TGM6: variants seen among roughly 807,000 people sequenced by gnomAD.
The protein encoded by TGM6 is transglutaminase 6.
A neutral mutation model predicts 77.5 loss-of-function variants in TGM6; 74 were observed. That is an observed-to-expected ratio of 0.96 (90% CI 0.79 to 1.16). The LOEUF is 1.16. Among genes scored for constraint, TGM6 ranks in the 50% most tolerant of loss-of-function variants. The pLI, the probability that TGM6 is intolerant of heterozygous loss-of-function variation, is 0.00. For missense variants in TGM6, 968 were observed against 940.2 expected (o/e 1.03, Z -0.39); for synonymous variants, 383 against 378.9 (o/e 1.01, Z -0.12).
At chr20:2,400,563 T>C in intron 7 of TGM6, 119 bp downstream of exon 7, 1 of 1,468,632 alleles carries the variant, frequency 6.8e-7, no homozygotes, top group African/African-American at 1.4e-5. Flanking sequence ...CTCCTGAATC[T>C]GAGCCGGCTC....
intron 3 of TGM6, among the ~76,000 whole-genome samples, chr20:2,395,870 C>CAGT (rs2084661961): frequency 6.6e-6 from 1 of 152,162 alleles, no homozygotes; most frequent in Non-Finnish European, 1.5e-5. Flanking sequence ...TGGCCAGGAT[C>CAGT]AGTATTATTA....
At chr20:2,421,935 C>T (rs2084858876) in intron 10 of TGM6, among the ~76,000 whole-genome samples, 1 of 152,056 alleles carries the variant, frequency 6.6e-6, no homozygotes, top group Non-Finnish European at 1.5e-5. Context: ...AGTTTGAGAC[C>T]AGCCTGGTCA....
At chr20:2,398,589 A>T (rs1194644304) in intron 5 of TGM6, among the ~76,000 whole-genome samples, 1 of 151,930 alleles carries the variant, frequency 6.6e-6, no homozygotes, top group Non-Finnish European at 1.5e-5. Context: ...GCCCCAAGCA[A>T]TTCTTCCAAG....
At chr20:2,428,505 G>A (rs1004086721) in intron 10 of TGM6, among the ~76,000 whole-genome samples, 5 of 152,112 alleles carry the variant, frequency 3.3e-5, no homozygotes, top group African/African-American at 7.2e-5. Context: ...CCCAGGTGAC[G>A]CTGATGCTGC....
chr20:2,422,876 G>A (rs1314739742), intron 10 of TGM6, among the ~76,000 whole-genome samples: 2 of 151,586 alleles, frequency 1.3e-5, no homozygotes, highest in Admixed American at 6.6e-5. Context: ...CTTGAGCCCG[G>A]GAGTTCAAGG....
At chr20:2,399,871 C>A in intron 6 of TGM6, 133 bp downstream of exon 6, 2 of 839,500 alleles carry the variant, frequency 2.4e-6, no homozygotes, top group Non-Finnish European at 3.8e-6. Context: ...CGAAGTCTGG[C>A]TGATGAAGAG....
intron 10 of TGM6, among the ~76,000 whole-genome samples, chr20:2,420,504 T>A (rs1186472984): frequency 6.6e-5 from 10 of 152,358 alleles, no homozygotes; most frequent in Admixed American, 6.5e-4. Flanking sequence ...TCATAGTTAA[T>A]ATTAGGGTTC....
intron 1 of TGM6, among the ~76,000 whole-genome samples, chr20:2,384,942 A>G (rs1333850556): frequency 6.7e-6 from 1 of 148,530 alleles, no homozygotes; most frequent in East Asian, 2.0e-4. Flanking sequence ...GAAGGCCCCC[A>G]GAGCTGAAAA....
At chr20:2,389,370 C>T (rs1021969693) in intron 1 of TGM6, among the ~76,000 whole-genome samples, 1 of 152,152 alleles carries the variant, frequency 6.6e-6, no homozygotes, top group African/African-American at 2.4e-5. Context: ...TGATTGCAAC[C>T]CCATAAGAAA....
At chr20:2,407,603 G>C (rs2122386678) in intron 9 of TGM6, among the ~76,000 whole-genome samples, 2 of 152,318 alleles carry the variant, frequency 1.3e-5, no homozygotes. Flanking sequence ...TACAGAGCGA[G>C]ACTCTGTCTC....
At chr20:2,422,301 A>G (rs192326524) in intron 10 of TGM6, among the ~76,000 whole-genome samples, 10 of 152,320 alleles carry the variant, frequency 6.6e-5, no homozygotes, top group Non-Finnish European at 1.5e-5. Context: ...GTGGATATCC[A>G]GTTGCTTCAG....
chr20:2,430,594 C>A lies in TGM6; in HGVS notation c.1827C>A (p.Thr609=). The A allele has an allele frequency of 6.2e-7, 1 of 1,614,098 alleles. No individual in the cohort carries two copies. Among genetic ancestry groups the A allele is most frequent in the Non-Finnish European group, 8.5e-7 (1 of 1,180,040 alleles). ...EKDITLEDFI[T]IKVLGPAMVG... ...ACATTACTCTAGAGGACTTCATCAC[C>A]ATCAAGGTGACCTCAGCCTGCATCT... Residue 609 remains threonine (T), a synonymous_variant, in exon 11 of 13, where the codon ACC becomes ACA. Coordinates refer to ENST00000202625, the MANE Select transcript of TGM6 (RefSeq NM_198994.3).
In TGM6 at chr20:2,394,494, G is replaced by A. The variant is rs182746582; in HGVS notation, c.50G>A (p.Gly17Asp). The A allele has an allele frequency of 6.2e-7, 1 of 1,611,532 alleles. No homozygotes were observed. The highest frequency in any genetic ancestry group is 1.3e-5 in the African/African-American group (1 of 74,854). The change falls in exon 2 of 13, where the codon GGC (glycine) becomes GAC (aspartate). Residue 17 changes from glycine (G) to aspartate (D), a missense_variant. Gly to Asp is a moderately conservative substitution (Grantham distance 94). Coordinates refer to ENST00000202625, the MANE Select transcript of TGM6 (RefSeq NM_198994.3). ...GTGGACTGGCAGCGGTCGAGGAATG[G>A]CGCTGCCCACCACACCCAGGAGTAC... ...TKVDWQRSRN[G>D]AAHHTQEYPC...
In TGM6 at chr20:2,397,930, A is replaced by T. The variant is rs1199332894; in HGVS notation, c.556A>T (p.Ile186Phe). 1 of 1,614,130 alleles carries T rather than the reference A, an allele frequency of 6.2e-7. No homozygotes were observed. Among genetic ancestry groups the T allele is most frequent in the South Asian group, 1.1e-5 (1 of 91,082 alleles). Reference sequence around the variant, plus strand: ...CTCTGGGGAGCAGTTTGAGGAGGACATCCTGAACATCTGCCTCTCCATCCT... The same window carrying T: ...CTCTGGGGAGCAGTTTGAGGAGGACTTCCTGAACATCTGCCTCTCCATCCT... ...GWNYGQFEED[I>F]LNICLSILDR... The change falls in exon 5 of 13, where the codon ATC becomes TTC. Residue 186 changes from isoleucine (I) to phenylalanine (F), a missense_variant. Transcript: ENST00000202625.
Position 2,428,863 on chromosome 20 carries a change from G to A in TGM6, c.1679-1583G>A, listed in dbSNP as rs190519749. 5.8e-3 allele frequency among the ~76,000 whole-genome samples: 875 copies of A among 151,982 alleles called. 1 individual carries two copies. Among genetic ancestry groups the A allele is most frequent in the Non-Finnish European group, 9.9e-3 (673 of 67,978 alleles). ...TTTTGAGATAGAGTCTCTCTCTGTC[G>A]CTCAGGCTGGAGTGCAGTGGCGCAA... is the stretch of plus-strand genomic sequence containing the variant. On this transcript the variant is annotated intron_variant, in intron 10 of 12. Transcript: ENST00000202625.
intron 9 of TGM6, among the ~76,000 whole-genome samples, chr20:2,412,679 A>G (rs537685310): frequency 9.8e-5 from 15 of 152,322 alleles, no homozygotes; most frequent in Admixed American, 3.9e-4. Flanking sequence ...CAAGTTCAGC[A>G]AGTTTGCAGA....
intron 9 of TGM6, among the ~76,000 whole-genome samples, chr20:2,406,596 G>T (rs1342107509): frequency 2.0e-5 from 3 of 151,608 alleles, no homozygotes; most frequent in Admixed American, 2.0e-4. Context: ...AGCACTCTGG[G>T]AGGCCGAGGC....
chr20:2,425,807 G>A (rs936921165), intron 10 of TGM6, among the ~76,000 whole-genome samples: 1 of 152,146 alleles, frequency 6.6e-6, no homozygotes. Flanking sequence ...TCGAATCAGG[G>A]TAATTGGGAT....
intron 10 of TGM6, among the ~76,000 whole-genome samples, chr20:2,428,761 G>C (rs1490105421): frequency 1.3e-5 from 2 of 152,062 alleles, no homozygotes; most frequent in Non-Finnish European, 2.9e-5. Context: ...AAGTCAATCT[G>C]TGAAAGCGCT....
Sources: gnomAD v4.1 joint callset for allele counts (sites outside exome capture counted in the v4.1 genomes callset) on GRCh38, gnomAD v4.1.1 for gene constraint, MANE v1.5 for transcripts, NCBI Gene and HGNC (gene_info 2026-07-23, HGNC 2026-07-21) for gene names.